The following C10orf90 variants were observed in gnomAD, a reference collection of about 807,000 sequenced individuals.
The protein encoded by C10orf90 is chromosome 10 open reading frame 90, also known as (E2-independent) E3 ubiquitin-conjugating enzyme FATS.
C10orf90 carries 56 observed loss-of-function variants against 62.5 expected under a neutral mutation model. The observed-to-expected ratio is 0.90, with a 90% confidence interval of 0.72 to 1.12. The LOEUF (loss-of-function observed/expected upper bound fraction) is 1.12. Among genes scored for constraint, C10orf90 ranks in the 50% most tolerant of loss-of-function variants. C10orf90 has a pLI of 0.00. For missense variants in C10orf90, 970 were observed against 880.4 expected, an observed-to-expected ratio of 1.10 and a Z score of -1.29; for synonymous variants, 386 against 340.4, an observed-to-expected ratio of 1.13 and a Z score of -1.47.
chr10:126,450,428 G>A (rs1443503098), intron 7 of C10orf90, among the ~76,000 whole-genome samples: 20 of 152,094 alleles, frequency 1.3e-4, no homozygotes, highest in Admixed American at 1.0e-3. Context: ...GAGACATCAC[G>A]GTATCTAATT....
chr10:126,541,727 G>A (rs907458492), intron 2 of C10orf90, among the ~76,000 whole-genome samples: 1 of 152,148 alleles, frequency 6.6e-6, no homozygotes. Flanking sequence ...TAGAGAAATG[G>A]AAAGTCTCAT....
chr10:126,555,612 G>A (rs1275445729), intron 2 of C10orf90, among the ~76,000 whole-genome samples: 3 of 151,782 alleles, frequency 2.0e-5, no homozygotes, highest in Non-Finnish European at 4.4e-5. Flanking sequence ...CTGGGAGGTG[G>A]AGGTTGCAGT....
Position 126,504,756 on chromosome 10 carries a change from G to A in C10orf90, c.735C>T (p.Gly245=), listed in dbSNP as rs762500284. The change falls in exon 4 of 10, where the codon GGC becomes GGT. Residue 245 remains glycine, a synonymous_variant. Coordinates refer to ENST00000488181, the MANE Select transcript of C10orf90 (RefSeq NM_001350921.2). This position sits in a 1 kb window ranked among gnomAD's most constrained non-coding sequence, Gnocchi z 4.1. The part of the protein sequence containing the change: ...ASITITARRV[G]PPARALVWGT... ...CCCACACCAGGGCGCGGGCTGGGGG[G>A]CCCACGCGTCTGGCCGTGATGGTGA... The A allele has an allele frequency of 1.4e-5, 23 of 1,590,160 alleles. No homozygotes were observed. Among genetic ancestry groups the A allele is most frequent in the African/African-American group, 6.7e-5 (5 of 74,316 alleles).
intron 7 of C10orf90, among the ~76,000 whole-genome samples, chr10:126,442,087 G>A (rs1312154290): frequency 1.3e-5 from 2 of 151,940 alleles, no homozygotes; most frequent in Non-Finnish European, 2.9e-5. Context: ...TAGCCTAAAT[G>A]CTCCACTTAA....
At chr10:126,591,502 C>CA (rs1337116414) in intron 2 of C10orf90, among the ~76,000 whole-genome samples, 1 of 152,144 alleles carries the variant, frequency 6.6e-6, no homozygotes. Flanking sequence ...AACATCCCTT[C>CA]ATGTTAAAAA....
chr10:126,561,409 CG>C (rs2133988194), intron 2 of C10orf90, among the ~76,000 whole-genome samples: 1 of 152,188 alleles, frequency 6.6e-6, no homozygotes, highest in East Asian at 1.9e-4. Context: ...AATTGCAAAG[CG>C]GCAAGCTGGC....
At position 126,504,817 on chromosome 10, in the gene C10orf90, C is replaced by A; in HGVS notation, c.674G>T (p.Arg225Ile). Residue 225 changes from arginine (R) to isoleucine (I), a missense_variant, in exon 4 of 10, where the codon AGA becomes ATA. Physicochemically the swap from Arg to Ile is moderately conservative, Grantham distance 97 (BLOSUM62 -3). Coordinates refer to ENST00000488181, the MANE Select transcript of C10orf90 (RefSeq NM_001350921.2). The surrounding 1 kb of genome is among the most constrained non-coding windows in gnomAD (Gnocchi z 4.1). Reference sequence around the variant, plus strand: ...CCCTCTGCGGGGGCCCCCACAGGGTCTCTCCTCTTTGGGCGGCAGCTCTGC... The same window carrying A: ...CCCTCTGCGGGGGCCCCCACAGGGTATCTCCTCTTTGGGCGGCAGCTCTGC... Reference protein sequence around the residue: ...PEAELPPKEERPCGGPRRGFA... With the variant: ...PEAELPPKEEIPCGGPRRGFA... 6.3e-7 allele frequency: 1 copy of A among 1,597,414 alleles called. No homozygotes were observed. The highest frequency in any genetic ancestry group is 8.5e-7 in the Non-Finnish European group (1 of 1,170,970).
intron 2 of C10orf90, chr10:126,523,347 G>A (rs1564856090): frequency 6.6e-6 from 1 of 152,228 alleles, no homozygotes; most frequent in South Asian, 2.1e-4. Flanking sequence ...GTACCGCACT[G>A]ATGTGATCAT....
intron 2 of C10orf90, among the ~76,000 whole-genome samples, chr10:126,537,396 C>T (rs554450608): frequency 1.3e-5 from 2 of 152,314 alleles, no homozygotes; most frequent in East Asian, 1.9e-4. Context: ...TATTGCCTAG[C>T]AACCTAGCCC....
chr10:126,610,155 C>T (rs1422158236), intron 2 of C10orf90, among the ~76,000 whole-genome samples: 5 of 152,324 alleles, frequency 3.3e-5, no homozygotes, highest in African/African-American at 1.2e-4. Context: ...CTGCATGGAC[C>T]ATGTCCACAG....
At chr10:126,538,031 C>T (rs539609613) in intron 2 of C10orf90, among the ~76,000 whole-genome samples, 1 of 152,256 alleles carries the variant, frequency 6.6e-6, no homozygotes, top group East Asian at 1.9e-4. Flanking sequence ...TTAGTTCTCA[C>T]ACTGCTAATA....
At position 126,443,249 on chromosome 10, in the gene C10orf90, T is replaced by C. The variant is rs191196647; in HGVS notation, c.2189-13399A>G. 4.8e-3 allele frequency among the ~76,000 whole-genome samples: 730 copies of C among 151,670 alleles called. 6 individuals carry two copies. The highest frequency in any genetic ancestry group is 0.017 in the African/African-American group (691 of 41,332). ...AAAAGCTGGTTTTTTAAAAGATAAATAAAATTGATAGACCATTAGCAAGAC... is the reference window on the plus strand; with the variant it reads ...AAAAGCTGGTTTTTTAAAAGATAAACAAAATTGATAGACCATTAGCAAGAC... On this transcript the variant is annotated intron_variant, in intron 7 of 9. Coordinates refer to ENST00000488181, the MANE Select transcript of C10orf90 (RefSeq NM_001350921.2).
At chr10:126,563,803 C>T (rs117790989) in intron 2 of C10orf90, among the ~76,000 whole-genome samples, 5,231 of 152,320 alleles carry the variant, frequency 0.034, 138 homozygotes, top group Middle Eastern at 0.051. Flanking sequence ...ATCCTGCACT[C>T]ATTAACCAAC....
In C10orf90 at chr10:126,504,763, C is replaced by T. The variant is rs372468399; in HGVS notation, c.728G>A (p.Arg243His). ...GFASITITAR[R>H]VGPPARALVW... The stretch of plus-strand genomic sequence containing the variant: ...CAGGGCGCGGGCTGGGGGGCCCACG[C>T]GTCTGGCCGTGATGGTGATGGATGC... Residue 243 changes from arginine to histidine, a missense_variant, in exon 4 of 10, where the codon CGC becomes CAC. By Grantham distance (29) the Arg-to-His change is conservative. Transcript: ENST00000488181. The surrounding 1 kb of genome is among the most constrained non-coding windows in gnomAD (Gnocchi z 4.1). The T allele has an allele frequency of 1.9e-5, 30 of 1,586,706 alleles. No individual in the cohort carries two copies. The highest frequency in any genetic ancestry group is 6.7e-5 in the African/African-American group (5 of 74,244).
intron 2 of C10orf90, among the ~76,000 whole-genome samples, chr10:126,624,344 TA>T (rs373123812): frequency 1.6e-4 from 24 of 148,360 alleles, no homozygotes; most frequent in East Asian, 7.9e-4. Context: ...AGACTCCATC[TA>T]AAAAAAAAAG....
intron 2 of C10orf90, among the ~76,000 whole-genome samples, chr10:126,519,369 A>G (rs1863618775): frequency 6.6e-6 from 1 of 152,236 alleles, no homozygotes; most frequent in Non-Finnish European, 1.5e-5. Flanking sequence ...TTATCTCTAC[A>G]AAAGTAGCAG....
At chr10:126,625,748 C>T (rs948506976) in intron 2 of C10orf90, among the ~76,000 whole-genome samples, 1 of 152,156 alleles carries the variant, frequency 6.6e-6, no homozygotes, top group Non-Finnish European at 1.5e-5. Context: ...TTATGTCATT[C>T]ATTGGAATTT....
At chr10:126,479,464 C>T (rs543533593) in intron 4 of C10orf90, among the ~76,000 whole-genome samples, 54 of 152,250 alleles carry the variant, frequency 3.5e-4, no homozygotes, top group African/African-American at 1.2e-3. Flanking sequence ...ATCCGGAGGG[C>T]GAGGAGCTGG....
intron 2 of C10orf90, among the ~76,000 whole-genome samples, chr10:126,537,895 A>G (rs550246681): frequency 1.3e-5 from 2 of 152,356 alleles, no homozygotes; most frequent in Non-Finnish European, 2.9e-5. Flanking sequence ...TAATCAAGTT[A>G]AAATGAGGTC....
Sources: gnomAD v4.1 joint callset for allele counts (sites outside exome capture counted in the v4.1 genomes callset) on GRCh38, gnomAD v4.1.1 for gene constraint, Gnocchi (gnomAD v3.1) non-coding constraint, MANE v1.5 for transcripts, NCBI Gene and HGNC (gene_info 2026-07-23, HGNC 2026-07-21) for gene names.